The following TUSC3 variants were observed in gnomAD, a reference collection of about 807,000 sequenced individuals.
TUSC3 encodes dolichyl-diphosphooligosaccharide--protein glycosyltransferase subunit TUSC3.
A neutral mutation model predicts 44.8 loss-of-function variants in TUSC3; 45 were observed. That is an observed-to-expected ratio of 1.00 (90% CI 0.79 to 1.29). The LOEUF (loss-of-function observed/expected upper bound fraction) is 1.29, where lower values mean the gene tolerates loss of function less well. Among genes scored for constraint, TUSC3 ranks in the 50% most tolerant of loss-of-function variants. The pLI, the probability that TUSC3 is intolerant of heterozygous loss-of-function variation, is 0.00. For synonymous variants in TUSC3, 212 were observed against 152.9 expected (o/e 1.39, Z -2.85); for missense variants, 519 against 437.9 (o/e 1.19, Z -1.65).
intron 9 of TUSC3, among the ~76,000 whole-genome samples, chr8:15,754,141 T>C (rs552370823): frequency 6.6e-6 from 1 of 152,042 alleles, no homozygotes; most frequent in South Asian, 2.1e-4. Flanking sequence ...AACGAGAGAA[T>C]GAAATGCAGG....
chr8:15,794,350 C>G, the TUSC3 span, among the ~76,000 whole-genome samples: 2 of 152,058 alleles, frequency 1.3e-5, no homozygotes, highest in Non-Finnish European at 1.5e-5. Flanking sequence ...GTTGGGCCTT[C>G]CATGTTTCTA....
At chr8:15,850,447 T>C in the TUSC3 span, among the ~76,000 whole-genome samples, 1 of 152,206 alleles carries the variant, frequency 6.6e-6, no homozygotes, top group Non-Finnish European at 1.5e-5. Context: ...AATTATTTTC[T>C]GGTTATTTAA....
At chr8:15,475,028 G>T (rs968880117) in intron 1 of TUSC3, among the ~76,000 whole-genome samples, 16 of 151,862 alleles carry the variant, frequency 1.1e-4, no homozygotes, top group Non-Finnish European at 2.2e-4. Context: ...ATGTTTTGAC[G>T]ATGGCCAATT....
chr8:15,818,312 C>T, the TUSC3 span, among the ~76,000 whole-genome samples: 476 of 152,286 alleles, frequency 3.1e-3, 3 homozygotes, highest in Non-Finnish European at 4.2e-3. Flanking sequence ...CATTGTGGGA[C>T]TTCAATAGAA....
At position 15,715,069 on chromosome 8, in the gene TUSC3, G is replaced by A. The variant is rs114084010; in HGVS notation, c.799-15597G>A. ...ACTTAACCTTTTCTGTAAAATGGAA[G>A]AATCTGTACACCTCAAGGTTTCTTT... On this transcript the variant is annotated intron_variant, in intron 6 of 10. Coordinates refer to ENST00000503731, the MANE Select transcript of TUSC3 (RefSeq NM_006765.4). Among the ~76,000 whole-genome samples, 457 of 152,220 alleles carry A rather than the reference G, an allele frequency of 3.0e-3. 3 individuals are homozygous for A. Among genetic ancestry groups the A allele is most frequent in the African/African-American group, 9.7e-3 (405 of 41,550 alleles).
the TUSC3 span, among the ~76,000 whole-genome samples, chr8:15,838,837 C>A: frequency 6.6e-6 from 1 of 152,034 alleles, no homozygotes; most frequent in African/African-American, 2.4e-5. Flanking sequence ...CTTGGCAATG[C>A]AGGCTCTTTT....
rs1975058 is a variant in TUSC3, at chr8:15,650,922, G to A, written c.426+108G>A. Reference sequence around the variant, plus strand: ...CATTCATCGTCTGAACCTGGGAGGCGGAGGTTGCAGTGAGCCGAGATTGTG... The same window carrying A: ...CATTCATCGTCTGAACCTGGGAGGCAGAGGTTGCAGTGAGCCGAGATTGTG... On this transcript the variant is annotated intron_variant, in intron 3 of 10. Transcript: ENST00000503731. 0.26 allele frequency: 311,198 copies of A among 1,192,136 alleles called. 44,217 individuals carry two copies. The highest frequency in any genetic ancestry group is 0.3 in the Non-Finnish European group (245,035 of 815,578). 73.8% of individuals were successfully genotyped at this position (1,192,136 alleles called of 1,614,324 possible).
rs1423889847 is a variant in TUSC3 at position 15,766,428 on chromosome 8, G to A, written c.*2272G>A. ...TGTACCTGGTATGTTATATCCTCCA[G>A]TGTCACTTTTTAACCAGATTCACTG... On this transcript the variant is annotated 3_prime_UTR_variant, in exon 11 of 11. Transcript: ENST00000503731. 2.0e-5 allele frequency: 3 copies of A among 152,092 alleles called. No homozygotes were observed. The highest frequency in any genetic ancestry group is 2.0e-4 in the Admixed American group (3 of 15,250). The allele number at this position is 152,092 out of a possible 1,614,324, so 9.4% of individuals were successfully genotyped here.
chr8:15,824,430 G>A, the TUSC3 span, among the ~76,000 whole-genome samples: 629 of 151,968 alleles, frequency 4.1e-3, 10 homozygotes, highest in African/African-American at 0.015. Context: ...TATAAAGATG[G>A]TTTCCAGCTT....
intron 1 of TUSC3, among the ~76,000 whole-genome samples, chr8:15,446,849 G>T (rs572470395): frequency 6.6e-6 from 1 of 151,108 alleles, no homozygotes; most frequent in South Asian, 2.1e-4. Flanking sequence ...AGTTCATGTG[G>T]AGAGAAAAAA....
intron 2 of TUSC3, among the ~76,000 whole-genome samples, chr8:15,533,367 T>C (rs544584814): frequency 1.3e-5 from 2 of 152,312 alleles, no homozygotes; most frequent in South Asian, 2.1e-4. Context: ...AACCTAAATA[T>C]AGGGCAGAGG....
At position 15,607,871 on chromosome 8, in the gene TUSC3, C is replaced by T. The variant is rs188150665; in HGVS notation, c.139-15209C>T. ...TTACATTTCCTCCCTAATTCTCTTC[C>T]CTGTCAGCAAATATTTGATAAATTA... is the stretch of plus-strand genomic sequence containing the variant. On this transcript the variant is annotated intron_variant, in intron 1 of 10. Coordinates refer to ENST00000503731, the MANE Select transcript of TUSC3 (RefSeq NM_006765.4). 3.4e-4 allele frequency among the ~76,000 whole-genome samples: 52 copies of T among 152,132 alleles called. 1 individual carries two copies. The highest frequency in any genetic ancestry group is 5.7e-4 in the Non-Finnish European group (39 of 67,956).
intron 1 of TUSC3, among the ~76,000 whole-genome samples, chr8:15,610,839 G>T (rs1209699250): frequency 6.6e-6 from 1 of 152,030 alleles, no homozygotes; most frequent in Non-Finnish European, 1.5e-5. Context: ...TGCTCTCCGG[G>T]GTACAAAGAT....
chr8:15,427,397 T>TCATAG (rs894679817), intron 1 of TUSC3, among the ~76,000 whole-genome samples: 4 of 151,926 alleles, frequency 2.6e-5, no homozygotes, highest in African/African-American at 9.7e-5. Context: ...TAATAAATGG[T>TCATAG]CATAGCTGGC....
chr8:15,623,161 C>G lies in TUSC3; in HGVS notation c.220C>G (p.Arg74Gly). Residue 74 changes from arginine to glycine, a missense_variant, in exon 2 of 11, where the codon CGA becomes GGA. Arg to Gly is a moderately radical substitution (Grantham distance 125). Transcript: ENST00000503731. Reference sequence around the variant, plus strand: ...CTTCCGAATGAATGGTGATAAATTCCGAAAATTTATAAAGGCACCACCTCG... The same window carrying G: ...CTTCCGAATGAATGGTGATAAATTCGGAAAATTTATAAAGGCACCACCTCG... ...SIFRMNGDKF[R>G]KFIKAPPRNY... 1 of 1,613,522 alleles carries G rather than the reference C, an allele frequency of 6.2e-7. No homozygotes were observed. The highest frequency in any genetic ancestry group is 8.5e-7 in the Non-Finnish European group (1 of 1,179,792).
intron 1 of TUSC3, among the ~76,000 whole-genome samples, chr8:15,463,557 G>C (rs1800375816): frequency 6.6e-6 from 1 of 152,150 alleles, no homozygotes; most frequent in Admixed American, 6.5e-5. Context: ...TGAGTGGCAG[G>C]AAGGTAATAG....
intron 1 of TUSC3, among the ~76,000 whole-genome samples, chr8:15,595,728 C>T (rs1333475271): frequency 3.9e-5 from 6 of 152,094 alleles, no homozygotes; most frequent in Non-Finnish European, 8.8e-5. Flanking sequence ...TAGTGTAATA[C>T]AATGTAGCAC....
At position 15,673,019 on chromosome 8, in the gene TUSC3, T is replaced by C. The variant is rs138698393; in HGVS notation, c.709-728T>C. On this transcript the variant is annotated intron_variant, in intron 5 of 10. Transcript: ENST00000503731. Reference sequence around the variant, plus strand: ...TAAAGGAGTCCCAGTTCATTAACTTTAAAATATTTTGTGATTTAAACAAAA... The same window carrying C: ...TAAAGGAGTCCCAGTTCATTAACTTCAAAATATTTTGTGATTTAAACAAAA... Among the ~76,000 whole-genome samples, 7 of 152,188 alleles carry C rather than the reference T, an allele frequency of 4.6e-5. No individual in the cohort carries two copies. In the East Asian group the frequency reaches 1.4e-3, roughly 29 times the overall value.
Position 15,509,145 on chromosome 8 carries a change from C to G in TUSC3, n.189+25662C>G, listed in dbSNP as rs575595507. 2.6e-5 allele frequency among the ~76,000 whole-genome samples: 4 copies of G among 152,316 alleles called. No individual in the cohort carries two copies. The South Asian group carries it at 6.2e-4, about 24-fold the overall frequency. On this transcript the variant is annotated intron_variant and non_coding_transcript_variant, in intron 2 of 5. Coordinates refer to the TUSC3 transcript ENST00000503191. Reference sequence around the variant, plus strand: ...GTAAGGACCCAAGTAAGGATGCAGTCTTTTGCTCTGCTAAGAATCCACATT... The same window carrying G: ...GTAAGGACCCAAGTAAGGATGCAGTGTTTTGCTCTGCTAAGAATCCACATT...
Sources: allele counts gnomAD v4.1 joint callset (sites outside exome capture counted in the v4.1 genomes callset), GRCh38; gene constraint gnomAD v4.1.1; transcripts MANE v1.5; gene names NCBI Gene and HGNC (gene_info 2026-07-23, HGNC 2026-07-21).